Variants in HSD11B1 observed in about 807,000 individuals in gnomAD.
HSD11B1 encodes the protein 11-beta-hydroxysteroid dehydrogenase 1.
A neutral mutation model predicts 22.1 loss-of-function variants in HSD11B1; 15 were observed. That is an observed-to-expected ratio of 0.68 (90% confidence interval 0.45 to 1.04). The LOEUF (loss-of-function observed/expected upper bound fraction) is 1.04. Ranked by LOEUF, HSD11B1 falls within the 50% of genes least tolerant of loss-of-function variation. The probability of loss-of-function intolerance (pLI) is 0.00; values close to 1 mark genes in which losing one functional copy is unlikely to be tolerated. For missense variants in HSD11B1, 281 were observed against 357.6 expected (o/e 0.79, Z 1.73); for synonymous variants, 122 against 125.2 (o/e 0.97, Z 0.17).
At chr1:209,709,656 C>T (rs2282739) in intron 4 of HSD11B1, among the ~76,000 whole-genome samples, 57,079 of 151,978 alleles carry the variant, frequency 0.38, 13,428 homozygotes, top group African/African-American at 0.65. Context: ...CTTGTTTACA[C>T]CTGCATGTCC....
upstream of HSD11B1, chr1:209,704,811 C>A: frequency 1.4e-6 from 1 of 712,294 alleles, no homozygotes; most frequent in Non-Finnish European, 2.5e-6. Flanking sequence ...CTAGCACTGC[C>A]TGAGACTACT....
At chr1:209,696,346 T>C (rs1223121938) in intron 1 of HSD11B1, among the ~76,000 whole-genome samples, 2 of 152,210 alleles carry the variant, frequency 1.3e-5, no homozygotes, top group Non-Finnish European at 2.9e-5. Flanking sequence ...TTTGCTAGTA[T>C]ATAAATTGCA....
In HSD11B1 at chr1:209,711,188, CA is replaced by C. The variant is rs575259113; in HGVS notation, c.517+4061del. Among the ~76,000 whole-genome samples the C allele has an allele frequency of 2.3e-3, 349 of 152,308 alleles. 1 individual carries two copies. The highest frequency in any genetic ancestry group is 7.8e-3 in the African/African-American group (325 of 41,580). ...TTTTTCAACTACACATATCAACTAA[CA>C]GGACTTGGAAGACCTATAATGATGT... On this transcript the variant is annotated intron_variant, in intron 4 of 5. Coordinates refer to ENST00000367027, the MANE Select transcript of HSD11B1 (RefSeq NM_005525.4).
upstream of HSD11B1, among the ~76,000 whole-genome samples, chr1:209,700,749 G>A (rs188057258): frequency 6.6e-6 from 1 of 152,126 alleles, no homozygotes; most frequent in South Asian, 2.1e-4. Context: ...GCTTTTAACA[G>A]AACCCAAGTC....
At chr1:209,711,934 C>T (rs938971620) in intron 4 of HSD11B1, among the ~76,000 whole-genome samples, 3 of 152,060 alleles carry the variant, frequency 2.0e-5, no homozygotes, top group South Asian at 2.1e-4. Context: ...TAATGCTACC[C>T]GTAATCATTG....
At chr1:209,701,240 C>G (rs2076824871), upstream of HSD11B1, among the ~76,000 whole-genome samples, 1 of 152,202 alleles carries the variant, frequency 6.6e-6, no homozygotes, top group Non-Finnish European at 1.5e-5. Context: ...TACAGTTCCA[C>G]ATGGCTGGGG....
At chr1:209,708,015 C>A (rs1290728439) in intron 4 of HSD11B1, among the ~76,000 whole-genome samples, 1 of 151,918 alleles carries the variant, frequency 6.6e-6, no homozygotes, top group Non-Finnish European at 1.5e-5. Flanking sequence ...ATTTAAACAA[C>A]CAGCTGGGTA....
chr1:209,689,125 C>G (rs1422817129), intron 1 of HSD11B1, among the ~76,000 whole-genome samples: 1 of 152,102 alleles, frequency 6.6e-6, no homozygotes, highest in Non-Finnish European at 1.5e-5. Flanking sequence ...AGGCATGGAG[C>G]TGGAAATAGC....
chr1:209,702,675 A>T (rs2076832636), upstream of HSD11B1, among the ~76,000 whole-genome samples: 1 of 152,246 alleles, frequency 6.6e-6, no homozygotes, highest in Non-Finnish European at 1.5e-5. Context: ...TTTAGAAAAA[A>T]ATCCTCAGTC....
chr1:209,717,183 A>T (rs71636127), intron 4 of HSD11B1, among the ~76,000 whole-genome samples: 2,234 of 152,346 alleles, frequency 0.015, 23 homozygotes, highest in Non-Finnish European at 0.024. Flanking sequence ...AGAATATACA[A>T]GGTACTCAAA....
intron 1 of HSD11B1, among the ~76,000 whole-genome samples, chr1:209,696,548 A>G (rs1047198128): frequency 6.6e-6 from 1 of 152,204 alleles, no homozygotes; most frequent in Non-Finnish European, 1.5e-5. Context: ...AATTATAACC[A>G]TGAGAGAGAA....
intron 1 of HSD11B1, among the ~76,000 whole-genome samples, chr1:209,695,099 C>T (rs1295248296): frequency 6.6e-6 from 1 of 152,178 alleles, no homozygotes; most frequent in African/African-American, 2.4e-5. Context: ...TTTGGCTGTT[C>T]CCCCCTTTGC....
At chr1:209,730,229 G>A (rs907970766) in intron 4 of HSD11B1, among the ~76,000 whole-genome samples, 4 of 152,206 alleles carry the variant, frequency 2.6e-5, no homozygotes, top group African/African-American at 9.6e-5. Context: ...TTCTTCTCAG[G>A]TAATAGTTTA....
intron 1 of HSD11B1, among the ~76,000 whole-genome samples, chr1:209,692,753 T>G (rs1237415478): frequency 6.6e-6 from 1 of 152,056 alleles, no homozygotes; most frequent in African/African-American, 2.4e-5. Flanking sequence ...TGTCAGGAAC[T>G]TTGCAAAAAA....
At chr1:209,690,651 C>T (rs1244074629) in intron 1 of HSD11B1, among the ~76,000 whole-genome samples, 13 of 151,628 alleles carry the variant, frequency 8.6e-5, no homozygotes, top group East Asian at 1.9e-4. Flanking sequence ...GAGCCAAGAT[C>T]GCGCCATTGC....
intron 1 of HSD11B1, among the ~76,000 whole-genome samples, chr1:209,695,670 T>G (rs573434764): frequency 7.2e-5 from 11 of 152,114 alleles, no homozygotes; most frequent in Non-Finnish European, 1.5e-4. Context: ...TAGCTGGGTG[T>G]GGTGGTGCAC....
chr1:209,710,772 A>G (rs2076890092), intron 4 of HSD11B1, among the ~76,000 whole-genome samples: 1 of 152,214 alleles, frequency 6.6e-6, no homozygotes. Context: ...GAATAAAAGA[A>G]CCTTGTCAAT....
chr1:209,726,081 G>T (rs1415425908), intron 4 of HSD11B1, among the ~76,000 whole-genome samples: 2 of 151,878 alleles, frequency 1.3e-5, no homozygotes, highest in African/African-American at 4.8e-5. Context: ...AAGAGATCAA[G>T]ACCATCCTGG....
Position 209,733,816 on chromosome 1 carries a change from A to T in HSD11B1, c.662-488A>T, listed in dbSNP as rs575847325. 5.3e-5 allele frequency among the ~76,000 whole-genome samples: 8 copies of T among 152,258 alleles called. No individual in the cohort carries two copies. In the South Asian group the frequency reaches 1.7e-3, roughly 32 times the overall value. Reference sequence around the variant, plus strand: ...GAAGTTGTGCAAGATGGACATGAAAACTTGGAAGGGGAGAGAAGTGAAAGT... The same window carrying T: ...GAAGTTGTGCAAGATGGACATGAAATCTTGGAAGGGGAGAGAAGTGAAAGT... On this transcript the variant is annotated intron_variant, in intron 5 of 5. Transcript: ENST00000367027.
Sources: gnomAD v4.1 joint callset for allele counts (sites outside exome capture counted in the v4.1 genomes callset) on GRCh38, gnomAD v4.1.1 for gene constraint, MANE v1.5 for transcripts, NCBI Gene and HGNC (gene_info 2026-07-23, HGNC 2026-07-21) for gene names.